AHNAK: variants seen among roughly 807,000 people sequenced by gnomAD.
The protein encoded by AHNAK is neuroblast differentiation-associated protein AHNAK.
A neutral mutation model predicts 37.8 loss-of-function variants in AHNAK; 23 were observed. The observed-to-expected ratio is 0.61, with a 90% confidence interval of 0.44 to 0.86. The LOEUF is 0.86. Among genes scored for constraint, AHNAK ranks in the 40% least tolerant of loss-of-function variants. AHNAK has a pLI of 0.00. For missense variants in AHNAK, 7,411 were observed against 7,319.4 expected, an observed-to-expected ratio of 1.01 and a Z score of -0.46; for synonymous variants, 2,481 against 2,636.3, an observed-to-expected ratio of 0.94 and a Z score of 1.80.
chr11:62,506,045 T>TG (rs1939806768), intron 4 of AHNAK, among the ~76,000 whole-genome samples: 1 of 75,650 alleles, frequency 1.3e-5, no homozygotes, highest in South Asian at 4.4e-4. Flanking sequence ...AAGGCGGGGG[T>TG]GGGGGGATGG....
chr11:62,453,844 G>T (rs989278881), intron 5 of AHNAK, among the ~76,000 whole-genome samples: 5 of 152,212 alleles, frequency 3.3e-5, no homozygotes, highest in African/African-American at 1.2e-4. Context: ...CCATCTGGCC[G>T]GGCGCGGTGG....
At chr11:62,447,904 A>C (rs1938450029) in intron 5 of AHNAK, among the ~76,000 whole-genome samples, 1 of 152,148 alleles carries the variant, frequency 6.6e-6, no homozygotes, top group Non-Finnish European at 1.5e-5. Flanking sequence ...CAACTAAAAA[A>C]TTCCAAGTTG....
intron 5 of AHNAK, among the ~76,000 whole-genome samples, chr11:62,489,892 A>G (rs1375710213): frequency 2.0e-5 from 3 of 152,096 alleles, no homozygotes; most frequent in Non-Finnish European, 4.4e-5. Flanking sequence ...CTAACCAAAC[A>G]GACGTCAACA....
At chr11:62,538,209 C>T (rs1338372572) in intron 1 of AHNAK, among the ~76,000 whole-genome samples, 3 of 152,158 alleles carry the variant, frequency 2.0e-5, no homozygotes, top group South Asian at 4.1e-4. Context: ...AAGGAGGCCC[C>T]GGCCCCACCA....
Position 62,528,339 on chromosome 11 carries a change from T to C in AHNAK, c.6078A>G (p.Lys2026=), listed in dbSNP as rs2134228187. Residue 2026 remains lysine (K), a synonymous_variant, in exon 5 of 5, where the codon AAA becomes AAG. Transcript: ENST00000378024. The stretch of plus-strand genomic sequence containing the variant: ...GGGCATCAATGTCCATTTTGGGTCC[T>C]TTGATGTCAACATCTGGCACTTTCA... The part of the protein sequence containing the change: ...GEMKVPDVDI[K]GPKMDIDAPD... 1 of 1,613,852 alleles carries C rather than the reference T, an allele frequency of 6.2e-7. No homozygotes were observed. Among genetic ancestry groups the C allele is most frequent in the South Asian group, 1.1e-5 (1 of 91,066 alleles).
At chr11:62,495,174 G>A (rs1013790758) in intron 4 of AHNAK, among the ~76,000 whole-genome samples, 5 of 151,178 alleles carry the variant, frequency 3.3e-5, no homozygotes, top group Admixed American at 6.6e-5. Flanking sequence ...CCCCCAACCC[G>A]GGCAAAAAAA....
At chr11:62,471,786 G>C (rs928557093) in intron 5 of AHNAK, among the ~76,000 whole-genome samples, 1 of 152,164 alleles carries the variant, frequency 6.6e-6, no homozygotes, top group African/African-American at 2.4e-5. Context: ...GCCGGGATGC[G>C]GGTACCCACA....
Position 62,527,599 on chromosome 11 carries a change from TCAA to T in AHNAK, c.6815_6817del (p.Val2272del), listed in dbSNP as rs780083078. The T allele has an allele frequency of 1.6e-5, 26 of 1,613,228 alleles. No individual in the cohort carries two copies. The highest frequency in any genetic ancestry group is 1.9e-5 in the Non-Finnish European group (22 of 1,179,812). ...AACATCCACCTTGGGTCCTGAGACA[TCAA>T]CGTCAGCCTTGGGCAAGTTCACATC... is the stretch of plus-strand genomic sequence containing the variant. On this transcript the variant is annotated inframe_deletion, in exon 5 of 5. Coordinates refer to ENST00000378024, the MANE Select transcript of AHNAK (RefSeq NM_001620.3).
chr11:62,471,296 G>T (rs1030419233), intron 5 of AHNAK, among the ~76,000 whole-genome samples: 1 of 152,072 alleles, frequency 6.6e-6, no homozygotes, highest in Non-Finnish European at 1.5e-5. Flanking sequence ...CGCAACTAGG[G>T]GGGGCTTCCA....
Position 62,469,019 on chromosome 11 carries a change from C to T in AHNAK, c.442+22713G>A, listed in dbSNP as rs979157372. The stretch of plus-strand genomic sequence containing the variant: ...TGTTCTTTTTTGTGTATATGGAGAA[C>T]GAGGTCTCACTATTTTGCCCAGGCA... On this transcript the variant is annotated intron_variant, in intron 5 of 5. Transcript: ENST00000257247. Among the ~76,000 whole-genome samples the T allele has an allele frequency of 3.9e-5, 6 of 152,162 alleles. No homozygotes were observed. In the South Asian group the frequency reaches 8.3e-4, roughly 21 times the overall value.
Position 62,516,747 on chromosome 11 carries a change from C to T in AHNAK, c.17670G>A (p.Glu5890=), listed in dbSNP as rs1224370089. The part of the protein sequence containing the change: ...EVELSVSTKK[E] ...TGTACACACATACAAAGGCCTGCTA[C>T]TCTTTCTTTGTGGAAACTGACAGCT... is the stretch of plus-strand genomic sequence containing the variant. Residue 5890 remains glutamate, a synonymous_variant, in exon 5 of 5, where the codon GAG becomes GAA. Transcript: ENST00000378024. 1 of 1,608,554 alleles carries T rather than the reference C, an allele frequency of 6.2e-7. No individual in the cohort carries two copies. The highest frequency in any genetic ancestry group is 8.5e-7 in the Non-Finnish European group (1 of 1,177,664).
At position 62,521,638 on chromosome 11, in the gene AHNAK, G is replaced by A; in HGVS notation, c.12779C>T (p.Pro4260Leu). The A allele has an allele frequency of 1.9e-6, 3 of 1,613,678 alleles. No individual in the cohort carries two copies. Among genetic ancestry groups the A allele is most frequent in the Non-Finnish European group, 2.5e-6 (3 of 1,179,950 alleles). ...MNIKAPKISMPDFDLHLKGPK... is the reference protein window; with the variant it reads ...MNIKAPKISMLDFDLHLKGPK... ...ACCTTTCAGATGCAAATCAAAGTCA[G>A]GCATGGAGATCTTGGGGGCTTTGAT... The change falls in exon 5 of 5, where the codon CCT becomes CTT. Residue 4260 changes from proline (P) to leucine (L), a missense_variant. Coordinates refer to ENST00000378024, the MANE Select transcript of AHNAK (RefSeq NM_001620.3).
In AHNAK at chr11:62,516,678, G is replaced by A; in HGVS notation, c.*66C>T. 1 of 1,521,210 alleles carries A rather than the reference G, an allele frequency of 6.6e-7. No homozygotes were observed. The highest frequency in any genetic ancestry group is 1.8e-4 in the Middle Eastern group (1 of 5,610). 94.2% of individuals were successfully genotyped at this position (1,521,210 alleles called of 1,614,324 possible). On this transcript the variant is annotated 3_prime_UTR_variant, in exon 5 of 5. Transcript: ENST00000378024. The stretch of plus-strand genomic sequence containing the variant: ...TGTGTTTCCCTTTGGAGTTTATATA[G>A]GAACACACCACCCAAGGCTGATGTT...
rs1938094173 is a variant in AHNAK, at chr11:62,433,687, A to C, written c.*197T>G. 11 of 658,514 alleles carry C rather than the reference A, an allele frequency of 1.7e-5. No individual in the cohort carries two copies. The South Asian group carries it at 2.1e-4, about 13-fold the overall frequency. 40.8% of individuals were successfully genotyped at this position (658,514 alleles called of 1,614,324 possible). On this transcript the variant is annotated 3_prime_UTR_variant, in exon 6 of 6. Coordinates refer to the AHNAK transcript ENST00000257247. ...GAAATGCACCAAGCAGGGCTTATGC[A>C]GCAGCCCTCGGTCTGGCCTGGCTGG...
chr11:62,436,916 G>A (rs1331296532), intron 5 of AHNAK, among the ~76,000 whole-genome samples: 1 of 149,000 alleles, frequency 6.7e-6, no homozygotes, highest in East Asian at 2.0e-4. Context: ...TCCAGCCTGG[G>A]TGACTGAGCA....
In AHNAK at chr11:62,524,807, C is replaced by T. The variant is rs762552392; in HGVS notation, c.9610G>A (p.Gly3204Ser). 1.9e-6 allele frequency: 3 copies of T among 1,614,104 alleles called. No homozygotes were observed. Among genetic ancestry groups the T allele is most frequent in the South Asian group, 2.2e-5 (2 of 91,066 alleles). ...NIEGPDAKLK[G>S]PKFKMPEMNI... Reference sequence around the variant, plus strand: ...ATCTCTGGCATCTTGAATTTAGGGCCCTTCAGTTTCGCATCTGGACCTTCA... The same window carrying T: ...ATCTCTGGCATCTTGAATTTAGGGCTCTTCAGTTTCGCATCTGGACCTTCA... The change falls in exon 5 of 5, where the codon GGC becomes AGC. Residue 3204 changes from glycine to serine, a missense_variant. Gly to Ser is a moderately conservative substitution (Grantham distance 56). Transcript: ENST00000378024.
Position 62,522,367 on chromosome 11 carries a change from C to T in AHNAK, c.12050G>A (p.Gly4017Glu). 1.2e-6 allele frequency: 2 copies of T among 1,613,950 alleles called. No individual in the cohort carries two copies. The highest frequency in any genetic ancestry group is 1.7e-6 in the Non-Finnish European group (2 of 1,180,006). The change falls in exon 5 of 5, where the codon GGA (glycine) becomes GAA (glutamate). Residue 4017 changes from glycine to glutamate, a missense_variant. Transcript: ENST00000378024. ...DLHLKGPKVK[G>E]DVDVSLPKME... ...CTTAGGCAGAGAAACATCCACATCT[C>T]CTTTCACCTTAGGGCCTTTCAGATG...
rs1940292196 is a variant in AHNAK at position 62,522,438 on chromosome 11, C to A, written c.11979G>T (p.Glu3993Asp). Residue 3993 changes from glutamate to aspartate, a missense_variant, in exon 5 of 5, where the codon GAG becomes GAT. By Grantham distance (45) the Glu-to-Asp change is conservative (BLOSUM62 2). Transcript: ENST00000378024. ...AGATCTTGGGGGCTTTGATGTTCATCTCTGGCATCTTGAATTTAGGGCCCT... is the reference window on the plus strand; with the variant it reads ...AGATCTTGGGGGCTTTGATGTTCATATCTGGCATCTTGAATTTAGGGCCCT... Reference protein sequence around the residue: ...KLKGPKFKMPEMNIKAPKISM... With the variant: ...KLKGPKFKMPDMNIKAPKISM... The A allele has an allele frequency of 1.2e-6, 2 of 1,613,576 alleles. No homozygotes were observed. Among genetic ancestry groups the A allele is most frequent in the Non-Finnish European group, 1.7e-6 (2 of 1,179,938 alleles).
rs761110962 is a variant in AHNAK at position 62,526,355 on chromosome 11, C to T, written c.8062G>A (p.Gly2688Arg). The T allele has an allele frequency of 3.7e-6, 6 of 1,611,456 alleles. No homozygotes were observed. The highest frequency in any genetic ancestry group is 3.3e-5 in the South Asian group (3 of 90,958). ...GPDVNIEGPE[G>R]KLKGPKFKMP... The stretch of plus-strand genomic sequence containing the variant: ...TTGAACTTAGGCCCTTTCAACTTTC[C>T]CTCTGGTCCTTCAATGTTAACATCA... Residue 2688 changes from glycine to arginine, a missense_variant, in exon 5 of 5, where the codon GGA becomes AGA. Coordinates refer to ENST00000378024, the MANE Select transcript of AHNAK (RefSeq NM_001620.3).
Sources: gnomAD v4.1 joint callset for allele counts (sites outside exome capture counted in the v4.1 genomes callset) on GRCh38, gnomAD v4.1.1 for gene constraint, MANE v1.5 for transcripts, NCBI Gene and HGNC (gene_info 2026-07-23, HGNC 2026-07-21) for gene names.